NINL: variants seen among roughly 807,000 people sequenced by gnomAD.
NINL encodes ninein like, also known as ninein-like protein.
Under a neutral mutation model 160.3 loss-of-function variants are expected in NINL, and 153 were observed. The observed-to-expected ratio is 0.95, with a 90% confidence interval of 0.84 to 1.09. The LOEUF is 1.09. Among genes scored for constraint, NINL ranks in the 50% least tolerant of loss-of-function variants. The pLI is 0.00. For synonymous variants in NINL, 800 were observed against 734.8 expected (o/e 1.09, Z -1.43); for missense variants, 1,829 against 1,764.0 (o/e 1.04, Z -0.66).
At chr20:25,480,843 A>AC (rs987402386) in intron 14 of NINL, among the ~76,000 whole-genome samples, 2 of 152,258 alleles carry the variant, frequency 1.3e-5, no homozygotes, top group African/African-American at 4.8e-5. Context: ...TCCAGGTGGG[A>AC]CGTCAATGGG....
chr20:25,472,324 G>GATATAT lies in NINL; in HGVS notation c.3249-2235_3249-2230dup, dbSNP rs56260321. 3.9e-3 allele frequency among the ~76,000 whole-genome samples: 331 copies of GATATAT among 83,890 alleles called. 6 individuals carry two copies. The highest frequency in any genetic ancestry group is 4.7e-3 in the Non-Finnish European group (199 of 42,508). The allele number at this position is 83,890 out of a possible 152,430, so 55.0% of individuals were successfully genotyped here. On this transcript the variant is annotated intron_variant, in intron 17 of 23. Transcript: ENST00000278886. ...ATTGAAGAAAATAGTGGGAGGAGAG[G>GATATAT]ATATATATATATATATATATATATA...
chr20:25,489,802 G>T, intron 12 of NINL, 73 bp downstream of exon 12: 1 of 1,258,700 alleles, frequency 7.9e-7, no homozygotes. Flanking sequence ...TCTCTCCCTG[G>T]CCACCCCCGC....
At position 25,476,572 on chromosome 20, in the gene NINL, A is replaced by T. The variant is rs2063247916; in HGVS notation, c.2719T>A (p.Ser907Thr). The T allele has an allele frequency of 2.5e-6, 4 of 1,599,140 alleles. No homozygotes were observed. Among genetic ancestry groups the T allele is most frequent in the Non-Finnish European group, 2.5e-6 (3 of 1,179,690 alleles). Reference protein sequence around the residue: ...PASHGPSERWSRMQPCGVDGD... With the variant: ...PASHGPSERWTRMQPCGVDGD... ...TCCACTCCACAGGGCTGCATGCGTG[A>T]CCACCTCTCTGAGGGGCCGTGGGAT... Residue 907 changes from serine (S) to threonine (T), a missense_variant, in exon 17 of 24, where the codon TCA becomes ACA. Transcript: ENST00000278886.
chr20:25,494,743 A>G (rs1253391629), intron 10 of NINL, among the ~76,000 whole-genome samples: 1 of 152,164 alleles, frequency 6.6e-6, no homozygotes, highest in African/African-American at 2.4e-5. Flanking sequence ...CCCTGAGGAC[A>G]TGGGTTATGG....
intron 1 of NINL, among the ~76,000 whole-genome samples, chr20:25,557,539 G>T (rs1211161561): frequency 1.4e-5 from 2 of 146,954 alleles, no homozygotes; most frequent in African/African-American, 2.5e-5. Context: ...TCAAGAAAAA[G>T]AAAAGGAAAA....
intron 22 of NINL, among the ~76,000 whole-genome samples, chr20:25,457,887 A>G (rs1265275559): frequency 6.6e-6 from 1 of 152,200 alleles, no homozygotes; most frequent in Non-Finnish European, 1.5e-5. Context: ...GACTTTACAG[A>G]TGAGGAAACT....
intron 1 of NINL, among the ~76,000 whole-genome samples, chr20:25,584,344 C>T (rs1371623989): frequency 6.6e-6 from 1 of 152,046 alleles, no homozygotes; most frequent in Non-Finnish European, 1.5e-5. Flanking sequence ...CGTGTAATCC[C>T]AGCTACTCGG....
chr20:25,526,000 A>T (rs1484563685), intron 2 of NINL, among the ~76,000 whole-genome samples: 2 of 152,200 alleles, frequency 1.3e-5, no homozygotes, highest in Non-Finnish European at 2.9e-5. Context: ...ATGGACTTCA[A>T]ACTGTGAAAT....
chr20:25,512,772 GA>G, intron 4 of NINL, 61 bp downstream of exon 4: 1 of 1,521,226 alleles, frequency 6.6e-7, no homozygotes, highest in Non-Finnish European at 8.8e-7. Context: ...AAAAAGGGAT[GA>G]AGGGAAGCAT....
chr20:25,453,583 G>A lies in NINL; in HGVS notation c.4017C>T (p.His1339=), dbSNP rs144950952. 1.2e-5 allele frequency: 19 copies of A among 1,613,954 alleles called. No homozygotes were observed. In the African/African-American group the frequency reaches 2.4e-4, roughly 20 times the overall value. Residue 1339 remains histidine, a synonymous_variant, in exon 24 of 24, where the codon CAC becomes CAT. Coordinates refer to ENST00000278886, the MANE Select transcript of NINL (RefSeq NM_025176.6). ...LLKELYVENA[H]LVRALQATEE... ...CGGTGGCCTGAAGTGCTCTCACCAG[G>A]TGGGCGTTCTCCACGTACAGCTCCT...
chr20:25,529,656 T>C (rs753004399), intron 1 of NINL, among the ~76,000 whole-genome samples: 35 of 152,132 alleles, frequency 2.3e-4, no homozygotes, highest in Admixed American at 6.6e-4. Context: ...CTGGGCAACA[T>C]GGTGAGACCC....
chr20:25,460,801 C>A (rs1308916167), intron 21 of NINL, among the ~76,000 whole-genome samples: 1 of 152,156 alleles, frequency 6.6e-6, no homozygotes, highest in Admixed American at 6.5e-5. Context: ...CTCAGCCGAG[C>A]CTCACAGGCA....
chr20:25,491,247 G>C lies in NINL; in HGVS notation c.1485+104C>G, dbSNP rs1601128812. 7 of 1,360,134 alleles carry C rather than the reference G, an allele frequency of 5.1e-6. No individual in the cohort carries two copies. In the East Asian group the frequency reaches 1.7e-4, roughly 32 times the overall value. The allele number at this position is 1,360,134 out of a possible 1,614,324, so 84.3% of individuals were successfully genotyped here. ...GCCCTGCCCTGAAACATAAGCTTGA[G>C]GGCACTGGCAGGTGTGGATCTGGAT... is the stretch of plus-strand genomic sequence containing the variant. On this transcript the variant is annotated intron_variant, in intron 11 of 23. Transcript: ENST00000278886.
At chr20:25,577,339 G>A (rs972833571) in intron 1 of NINL, among the ~76,000 whole-genome samples, 19 of 152,258 alleles carry the variant, frequency 1.2e-4, no homozygotes, top group East Asian at 1.9e-4. Flanking sequence ...GACCTGGCAC[G>A]CTACCCACTT....
At chr20:25,581,728 A>T (rs955381656) in intron 1 of NINL, among the ~76,000 whole-genome samples, 1 of 152,208 alleles carries the variant, frequency 6.6e-6, no homozygotes, top group Non-Finnish European at 1.5e-5. Context: ...ACTTGAACTC[A>T]CTGTAAAAGG....
intron 21 of NINL, among the ~76,000 whole-genome samples, chr20:25,460,859 A>G (rs111326191): frequency 1.9e-3 from 290 of 152,246 alleles, no homozygotes; most frequent in Middle Eastern, 0.01. Flanking sequence ...TCTGTAGCCA[A>G]GCTTCCAAGT....
At chr20:25,512,742 A>C in intron 4 of NINL, 92 bp downstream of exon 4, 1 of 1,461,156 alleles carries the variant, frequency 6.8e-7, no homozygotes, top group Non-Finnish European at 9.1e-7. Flanking sequence ...CCCTCCCCAT[A>C]TCTTGTGATT....
chr20:25,503,716 GTAA>G (rs1568922255), intron 7 of NINL, among the ~76,000 whole-genome samples: 3 of 152,234 alleles, frequency 2.0e-5, no homozygotes, highest in Non-Finnish European at 2.9e-5. Context: ...CTTGGAGAAG[GTAA>G]CTCCCCTAGT....
chr20:25,523,301 G>C (rs1568940331), intron 2 of NINL, among the ~76,000 whole-genome samples: 1 of 151,704 alleles, frequency 6.6e-6, no homozygotes, highest in Non-Finnish European at 1.5e-5. Flanking sequence ...GCCCAGGCTG[G>C]AGTGCAGTGA....
Sources: allele counts gnomAD v4.1 joint callset (sites outside exome capture counted in the v4.1 genomes callset), GRCh38; gene constraint gnomAD v4.1.1; transcripts MANE v1.5; gene names NCBI Gene and HGNC (gene_info 2026-07-23, HGNC 2026-07-21).